CREB5: variants seen among roughly 807,000 people sequenced by gnomAD.
CREB5 encodes cyclic AMP-responsive element-binding protein 5.
CREB5 carries 19 observed loss-of-function variants against 57.1 expected under a neutral mutation model. The observed-to-expected ratio is 0.33, with a 90% CI of 0.23 to 0.49. CREB5 has a LOEUF of 0.49. Ranked by LOEUF, CREB5 falls within the 20% of genes least tolerant of loss-of-function variation. The pLI, the probability that CREB5 is intolerant of heterozygous loss-of-function variation, is 0.99. For missense variants in CREB5, 579 were observed against 671.6 expected, an observed-to-expected ratio of 0.86 and a Z score of 1.52; for synonymous variants, 238 against 238.3, an observed-to-expected ratio of 1.00 and a Z score of 0.01.
chr7:28,743,840 T>TTC lies in CREB5; in HGVS notation c.702+19509_702+19510insCT, dbSNP rs1272649801. ...TGTCTGTGTCCTAATCTCCTTTTCT[T>TTC]TTTTTTTTTTTTTTTTTTTTTTATT... On this transcript the variant is annotated intron_variant, in intron 7 of 10. Transcript: ENST00000357727. Among the ~76,000 whole-genome samples the TTC allele has an allele frequency of 5.4e-5, 7 of 130,422 alleles. No homozygotes were observed. The East Asian group carries it at 1.3e-3, about 25-fold the overall frequency. 85.6% of individuals were successfully genotyped at this position (130,422 alleles called of 152,430 possible).
chr7:28,565,206 C>A (rs1795430776), intron 4 of CREB5, among the ~76,000 whole-genome samples: 2 of 152,154 alleles, frequency 1.3e-5, no homozygotes, highest in Admixed American at 6.5e-5. Flanking sequence ...ATAGAAGAGA[C>A]CTTGGAGGTC....
At position 28,661,406 on chromosome 7, in the gene CREB5, C is replaced by G. The variant is rs142291174; in HGVS notation, c.465-57347C>G. ...AAAGATTTTCCCATAAATATTCTCT[C>G]TCTCATTTCTCTACCCACCCTCCCC... On this transcript the variant is annotated intron_variant, in intron 5 of 10. Coordinates refer to ENST00000357727, the MANE Select transcript of CREB5 (RefSeq NM_182898.4). Among the ~76,000 whole-genome samples, 951 of 152,156 alleles carry G rather than the reference C, an allele frequency of 6.3e-3. 13 individuals carry two copies. Among genetic ancestry groups the G allele is most frequent in the African/African-American group, 0.022 (904 of 41,478 alleles).
At chr7:28,753,139 T>C (rs926111661) in intron 7 of CREB5, among the ~76,000 whole-genome samples, 1 of 152,054 alleles carries the variant, frequency 6.6e-6, no homozygotes, top group Non-Finnish European at 1.5e-5. Flanking sequence ...AAGCAGAGAT[T>C]TATGTTCAAA....
At chr7:28,402,357 T>G (rs1787485836) in intron 1 of CREB5, among the ~76,000 whole-genome samples, 1 of 152,188 alleles carries the variant, frequency 6.6e-6, no homozygotes, top group Non-Finnish European at 1.5e-5. Flanking sequence ...AGAGCCCGCA[T>G]TGCCAAGACA....
At chr7:28,332,751 C>T (rs1785740521) in intron 1 of CREB5, among the ~76,000 whole-genome samples, 1 of 152,170 alleles carries the variant, frequency 6.6e-6, no homozygotes, top group South Asian at 2.1e-4. Context: ...TTTTCCCTCA[C>T]TAACTAACTT....
At chr7:28,444,159 A>G (rs2128562310) in intron 1 of CREB5, among the ~76,000 whole-genome samples, 1 of 152,308 alleles carries the variant, frequency 6.6e-6, no homozygotes, top group Non-Finnish European at 1.5e-5. Flanking sequence ...AAACCATTAA[A>G]TGCTTTATAA....
chr7:28,808,614 T>C (rs1002044821), intron 8 of CREB5, among the ~76,000 whole-genome samples: 5 of 151,734 alleles, frequency 3.3e-5, no homozygotes, highest in African/African-American at 1.2e-4. Flanking sequence ...TCATAGCTCA[T>C]GGCAACCTCA....
At chr7:28,400,007 G>A (rs534633526) in intron 1 of CREB5, among the ~76,000 whole-genome samples, 15 of 152,236 alleles carry the variant, frequency 9.9e-5, no homozygotes, top group Admixed American at 8.5e-4. Flanking sequence ...GCAGTTAGCC[G>A]AGATAGTGCC....
At chr7:28,623,998 C>A (rs578192697) in intron 5 of CREB5, among the ~76,000 whole-genome samples, 1 of 152,258 alleles carries the variant, frequency 6.6e-6, no homozygotes, top group African/African-American at 2.4e-5. Context: ...GTGGTGATGA[C>A]AACTTCCTCC....
At chr7:28,693,331 A>G (rs1389169727) in intron 5 of CREB5, among the ~76,000 whole-genome samples, 3 of 152,232 alleles carry the variant, frequency 2.0e-5, no homozygotes, top group Non-Finnish European at 4.4e-5. Flanking sequence ...AATGGCTACC[A>G]TGAATTACTA....
chr7:28,526,413 G>T (rs987586276), intron 4 of CREB5, among the ~76,000 whole-genome samples: 10 of 152,308 alleles, frequency 6.6e-5, no homozygotes, highest in African/African-American at 2.4e-4. Flanking sequence ...GAAGTGAAAC[G>T]TTATCATCTT....
At chr7:28,629,854 A>T (rs1798138874) in intron 5 of CREB5, among the ~76,000 whole-genome samples, 1 of 152,236 alleles carries the variant, frequency 6.6e-6, no homozygotes, top group Non-Finnish European at 1.5e-5. Flanking sequence ...AGTATTGATT[A>T]TGCTTCTGTA....
rs567703003 is a variant in CREB5 at position 28,448,104 on chromosome 7, A to T, written c.3+35187A>T. On this transcript the variant is annotated intron_variant, in intron 1 of 10. Transcript: ENST00000357727. ...GCACAATCTAATCAGCTGCCAGCGA[A>T]TATAAAGCAGGCAGAAAAACGTGAA... is the stretch of plus-strand genomic sequence containing the variant. 5.3e-5 allele frequency among the ~76,000 whole-genome samples: 8 copies of T among 152,304 alleles called. No individual in the cohort carries two copies. In the South Asian group the frequency reaches 1.7e-3, roughly 32 times the overall value.
chr7:28,426,911 G>C (rs1477946651), intron 1 of CREB5, among the ~76,000 whole-genome samples: 2 of 152,148 alleles, frequency 1.3e-5, no homozygotes, highest in Non-Finnish European at 2.9e-5. Context: ...TGCATGAACT[G>C]ACTAAAGAGA....
At chr7:28,611,716 A>AT (rs1797395907) in intron 5 of CREB5, among the ~76,000 whole-genome samples, 2 of 147,826 alleles carry the variant, frequency 1.4e-5, no homozygotes, top group South Asian at 4.2e-4. Flanking sequence ...AAATAAATAA[A>AT]ATATATATGT....
intron 7 of CREB5, among the ~76,000 whole-genome samples, chr7:28,785,740 G>A (rs1287251434): frequency 6.6e-6 from 1 of 152,204 alleles, no homozygotes; most frequent in African/African-American, 2.4e-5. Context: ...TGGGGTGGGA[G>A]TGGGTCAGTG....
At chr7:28,808,539 G>A (rs1313033186) in intron 8 of CREB5, among the ~76,000 whole-genome samples, 1 of 151,776 alleles carries the variant, frequency 6.6e-6, no homozygotes, top group Non-Finnish European at 1.5e-5. Context: ...TTGTTCATTT[G>A]TTTTTGTTTT....
intron 1 of CREB5, among the ~76,000 whole-genome samples, chr7:28,476,158 G>A (rs1217749885): frequency 5.9e-5 from 9 of 152,154 alleles, no homozygotes; most frequent in Admixed American, 1.3e-4. Context: ...GGTCCTTCTC[G>A]GGATCATATA....
chr7:28,471,559 A>G (rs1790808992), intron 1 of CREB5, among the ~76,000 whole-genome samples: 2 of 152,234 alleles, frequency 1.3e-5, no homozygotes, highest in African/African-American at 4.8e-5. Flanking sequence ...GCTGGGGCTT[A>G]CTGGGCATTC....
Sources: allele counts gnomAD v4.1 joint callset (sites outside exome capture counted in the v4.1 genomes callset), GRCh38; gene constraint gnomAD v4.1.1; transcripts MANE v1.5; gene names NCBI Gene and HGNC (gene_info 2026-07-23, HGNC 2026-07-21).